The following ZNF407 variants were observed in gnomAD, a reference collection of about 807,000 sequenced individuals.
ZNF407 encodes the protein zinc finger protein 407.
In ZNF407, 17 loss-of-function variants were observed where a neutral mutation model predicts 131.2. That is an observed-to-expected ratio of 0.13 (90% CI 0.09 to 0.19). The LOEUF (loss-of-function observed/expected upper bound fraction) is 0.19. Among genes scored for constraint, ZNF407 ranks in the 10% least tolerant of loss-of-function variants. ZNF407 has a pLI of 1.00. For missense variants in ZNF407, 2,681 were observed against 2,830.6 expected (o/e 0.95, Z 1.20); for synonymous variants, 1,156 against 1,062.0 (o/e 1.09, Z -1.72).
intron 8 of ZNF407, among the ~76,000 whole-genome samples, chr18:74,992,499 A>G (rs1972730286): frequency 6.6e-6 from 1 of 152,206 alleles, no homozygotes; most frequent in African/African-American, 2.4e-5. Flanking sequence ...GAACTGAAAC[A>G]TCACTGGTGT....
rs976559319 is a variant in ZNF407 at position 74,633,006 on chromosome 18, T to C, written c.1987T>C (p.Leu663=). The C allele has an allele frequency of 1.2e-6, 2 of 1,613,562 alleles. No individual in the cohort carries two copies. Among genetic ancestry groups the C allele is most frequent in the Admixed American group, 1.7e-5 (1 of 59,948 alleles). Residue 663 remains leucine (L), a synonymous_variant, in exon 2 of 9, where the codon TTG becomes CTG. Transcript: ENST00000299687. Reference sequence around the variant, plus strand: ...TGATTTGGTTTTACAGACTTTACCTTTGAGTACTTTAGAATCAGAAAACGC... The same window carrying C: ...TGATTTGGTTTTACAGACTTTACCTCTGAGTACTTTAGAATCAGAAAACGC... ...NSDLVLQTLP[L]STLESENAKE...
At chr18:74,676,682 C>T (rs557260536) in intron 3 of ZNF407, among the ~76,000 whole-genome samples, 7 of 150,024 alleles carry the variant, frequency 4.7e-5, no homozygotes, top group Non-Finnish European at 8.8e-5. Context: ...GATCTGCCCG[C>T]CTTGGCCTCC....
chr18:74,769,880 A>G (rs1464105895), intron 3 of ZNF407, among the ~76,000 whole-genome samples: 1 of 152,224 alleles, frequency 6.6e-6, no homozygotes, highest in Non-Finnish European at 1.5e-5. Flanking sequence ...CAGACACCTG[A>G]AACTAGGCCT....
chr18:74,646,635 A>T (rs1205174595), intron 3 of ZNF407, among the ~76,000 whole-genome samples: 2 of 152,208 alleles, frequency 1.3e-5, no homozygotes, highest in African/African-American at 4.8e-5. Flanking sequence ...GATACCTTTT[A>T]TGTACTGAAT....
At chr18:74,891,065 C>T (rs979555409) in intron 7 of ZNF407, among the ~76,000 whole-genome samples, 7 of 152,070 alleles carry the variant, frequency 4.6e-5, no homozygotes, top group Admixed American at 3.9e-4. Context: ...TAGACTCAGG[C>T]GAGGCTAAAT....
intron 3 of ZNF407, among the ~76,000 whole-genome samples, chr18:74,738,185 G>T (rs569063717): frequency 1.3e-4 from 20 of 152,146 alleles, no homozygotes; most frequent in South Asian, 6.2e-4. Flanking sequence ...ACTTTGGGAG[G>T]CCGAGGCAGG....
intron 7 of ZNF407, among the ~76,000 whole-genome samples, chr18:74,913,049 T>G (rs1971695937): frequency 6.6e-6 from 1 of 152,174 alleles, no homozygotes; most frequent in South Asian, 2.1e-4. Context: ...ATTCAAAAAT[T>G]TGGTAGCCCC....
rs368834630 is a variant in ZNF407, at chr18:74,632,465, G to T, written c.1446G>T (p.Ala482=). The T allele has an allele frequency of 6.2e-7, 1 of 1,614,036 alleles. No homozygotes were observed. The highest frequency in any genetic ancestry group is 1.1e-5 in the South Asian group (1 of 91,086). Residue 482 remains alanine (A), a synonymous_variant, in exon 2 of 9, where the codon GCG becomes GCT. Coordinates refer to ENST00000299687, the MANE Select transcript of ZNF407 (RefSeq NM_017757.3). ...DAESVLKHLE[A]CSSVQRVCVT... ...AATCAGTGCTGAAACACCTGGAAGC[G>T]TGCAGCAGTGTGCAGAGAGTGTGTG...
Position 74,632,335 on chromosome 18 carries a change from A to G in ZNF407, c.1316A>G (p.Gln439Arg), listed in dbSNP as rs1480882593. The G allele has an allele frequency of 6.2e-7, 1 of 1,613,912 alleles. No individual in the cohort carries two copies. The highest frequency in any genetic ancestry group is 8.5e-7 in the Non-Finnish European group (1 of 1,179,906). ...AGCAGCACTTTCACCTTGAAGGGCCAGGCAAAGAAAAGGTTTAATCTTTTA... is the reference window on the plus strand; with the variant it reads ...AGCAGCACTTTCACCTTGAAGGGCCGGGCAAAGAAAAGGTTTAATCTTTTA... Reference protein sequence around the residue: ...RRSSTFTLKGQAKKRFNLLGI... With the variant: ...RRSSTFTLKGRAKKRFNLLGI... Residue 439 changes from glutamine to arginine, a missense_variant, in exon 2 of 9, where the codon CAG becomes CGG. Physicochemically the swap from Gln to Arg is conservative, Grantham distance 43. Transcript: ENST00000299687.
Position 74,708,189 on chromosome 18 carries a change from A to G in ZNF407, c.4802+67067A>G, listed in dbSNP as rs1467565613. ...ATATTTGTTTCAGTACAACTATTACAATTATGTTCAAAGATAGAGTTACTG... is the reference window on the plus strand; with the variant it reads ...ATATTTGTTTCAGTACAACTATTACGATTATGTTCAAAGATAGAGTTACTG... On this transcript the variant is annotated intron_variant, in intron 3 of 8. Transcript: ENST00000299687. 2.0e-5 allele frequency among the ~76,000 whole-genome samples: 3 copies of G among 152,214 alleles called. No individual in the cohort carries two copies. In the East Asian group the frequency reaches 5.8e-4, roughly 29 times the overall value.
intron 8 of ZNF407, among the ~76,000 whole-genome samples, chr18:75,000,801 A>G (rs1202367818): frequency 1.3e-5 from 2 of 152,158 alleles, no homozygotes; most frequent in African/African-American, 4.8e-5. Context: ...AGCATTGTGG[A>G]ATATAAACTA....
intron 8 of ZNF407, among the ~76,000 whole-genome samples, chr18:74,961,363 T>C (rs1373954700): frequency 2.0e-5 from 3 of 152,176 alleles, no homozygotes; most frequent in Admixed American, 2.0e-4. Flanking sequence ...TAGCAGATCA[T>C]GTAGGGCCCC....
chr18:74,799,391 G>C (rs1472824861), intron 4 of ZNF407, among the ~76,000 whole-genome samples: 1 of 152,028 alleles, frequency 6.6e-6, no homozygotes, highest in African/African-American at 2.4e-5. Context: ...TCCCTTGAGA[G>C]AATTCCTGCC....
chr18:74,792,291 G>T (rs1261912564), intron 4 of ZNF407, among the ~76,000 whole-genome samples: 1 of 151,838 alleles, frequency 6.6e-6, no homozygotes, highest in Non-Finnish European at 1.5e-5. Flanking sequence ...ATGGGAAACA[G>T]CAGATTCAGC....
chr18:74,890,192 TA>T (rs1356316430), intron 7 of ZNF407, among the ~76,000 whole-genome samples, 154 bp downstream of exon 7: 3 of 152,192 alleles, frequency 2.0e-5, no homozygotes, highest in Non-Finnish European at 4.4e-5. Context: ...CTTTTAAAAA[TA>T]AACTTTTTTA....
intron 3 of ZNF407, among the ~76,000 whole-genome samples, chr18:74,733,447 T>C (rs1968340383): frequency 6.6e-6 from 1 of 152,214 alleles, no homozygotes; most frequent in Admixed American, 6.5e-5. Context: ...AGTACTACTA[T>C]ACAATCCATG....
chr18:74,622,559 C>T (rs560390065), intron 1 of ZNF407, among the ~76,000 whole-genome samples: 2 of 152,178 alleles, frequency 1.3e-5, no homozygotes, highest in Non-Finnish European at 2.9e-5. Flanking sequence ...TTCATACACG[C>T]GTGTGTATGC....
At chr18:74,847,053 A>G (rs1166186327) in intron 4 of ZNF407, among the ~76,000 whole-genome samples, 1 of 152,170 alleles carries the variant, frequency 6.6e-6, no homozygotes, top group Non-Finnish European at 1.5e-5. Flanking sequence ...TTTGCTCAAA[A>G]TGATTCTCTT....
At chr18:74,604,631 T>G (rs1982721344) in intron 1 of ZNF407, among the ~76,000 whole-genome samples, 1 of 152,208 alleles carries the variant, frequency 6.6e-6, no homozygotes, top group South Asian at 2.1e-4. Flanking sequence ...AGGGAGCAAG[T>G]GTTTTTGAAC....
Sources: gnomAD v4.1 joint callset for allele counts (sites outside exome capture counted in the v4.1 genomes callset) on GRCh38, gnomAD v4.1.1 for gene constraint, MANE v1.5 for transcripts, NCBI Gene and HGNC (gene_info 2026-07-23, HGNC 2026-07-21) for gene names.